MRTFA: variants seen among roughly 807,000 people sequenced by gnomAD.
The protein encoded by MRTFA is myocardin related transcription factor A.
In MRTFA, 20 loss-of-function variants were observed where a neutral mutation model predicts 83.5. The observed-to-expected ratio is 0.24, with a 90% confidence interval of 0.17 to 0.35. The LOEUF is 0.35. Ranked by LOEUF, MRTFA falls within the 10% of genes least tolerant of loss-of-function variation. The pLI is 1.00. For missense variants in MRTFA, 1,200 were observed against 1,224.7 expected, an observed-to-expected ratio of 0.98 and a Z score of 0.30; for synonymous variants, 659 against 541.2, an observed-to-expected ratio of 1.22 and a Z score of -3.02.
intron 1 of MRTFA, among the ~76,000 whole-genome samples, chr22:40,622,897 G>T (rs566750239): frequency 1.1e-4 from 16 of 152,350 alleles, no homozygotes; most frequent in African/African-American, 3.8e-4. Context: ...TGGTGGAGAT[G>T]ATTAAGAAGT....
At position 40,537,728 on chromosome 22, in the gene MRTFA, G is replaced by GC. The variant is rs1294730345; in HGVS notation, c.241+14377dup. On this transcript the variant is annotated intron_variant, in intron 3 of 14. Transcript: ENST00000355630. Reference sequence around the variant, plus strand: ...GTCCGGGAGGGAGATGGGGGGGTCAGCCCCCCCACCCGGCCAGTCACCCCG... The same window carrying GC: ...GTCCGGGAGGGAGATGGGGGGGTCAGCCCCCCCCACCCGGCCAGTCACCCCG... 3.9e-3 allele frequency among the ~76,000 whole-genome samples: 85 copies of GC among 21,918 alleles called. 6 individuals are homozygous for GC. The highest frequency in any genetic ancestry group is 6.1e-3 in the Non-Finnish European group (75 of 12,278). The allele number at this position is 21,918 out of a possible 152,430, so 14.4% of individuals were successfully genotyped here. A position where few individuals can be genotyped will look rare whatever the true frequency, so the allele number is the denominator to read the frequency against.
rs2052693041 is a variant in MRTFA at position 40,416,957 on chromosome 22, CAG to C, written c.2578+27_2578+28del. ...GACACCTATGAACAGAGAAGGCCGT[CAG>C]GGAGGCAGCAGGGGACCTGGGGTTA... On this transcript the variant is annotated intron_variant, in intron 14 of 14. Coordinates refer to ENST00000355630, the MANE Select transcript of MRTFA (RefSeq NM_020831.6). This position sits in a 1 kb window ranked among gnomAD's most constrained non-coding sequence, Gnocchi z 4.2. 1 of 1,579,228 alleles carries C rather than the reference CAG, an allele frequency of 6.3e-7. No homozygotes were observed.
intron 3 of MRTFA, among the ~76,000 whole-genome samples, chr22:40,538,128 C>T: frequency 3.5e-5 from 1 of 28,252 alleles, no homozygotes. Flanking sequence ...AATAGAAAGG[C>T]GGGAAAGGTG....
At chr22:40,592,642 C>A (rs1436894137) in intron 2 of MRTFA, among the ~76,000 whole-genome samples, 2 of 152,068 alleles carry the variant, frequency 1.3e-5, no homozygotes, top group African/African-American at 4.8e-5. Flanking sequence ...GCACATGTCA[C>A]CATGCCTGGC....
At chr22:40,540,956 A>G (rs1427485844) in intron 3 of MRTFA, among the ~76,000 whole-genome samples, 1 of 152,062 alleles carries the variant, frequency 6.6e-6, no homozygotes, top group Non-Finnish European at 1.5e-5. Context: ...AAAAAAAAAT[A>G]ATTACCTACC....
chr22:40,584,147 G>T (rs1384358087), intron 2 of MRTFA, among the ~76,000 whole-genome samples: 1 of 152,138 alleles, frequency 6.6e-6, no homozygotes, highest in South Asian at 2.1e-4. Context: ...ACAGACTCTT[G>T]TAAGGTCTCA....
chr22:40,429,251 C>T (rs1323994011), intron 7 of MRTFA: 17 of 599,040 alleles, frequency 2.8e-5, no homozygotes, highest in Non-Finnish European at 2.7e-5. Flanking sequence ...AAGAGTATGA[C>T]ACAGATTTCT....
intron 3 of MRTFA, among the ~76,000 whole-genome samples, chr22:40,502,007 C>T (rs1428115290): frequency 8.2e-5 from 11 of 134,538 alleles, no homozygotes; most frequent in South Asian, 7.4e-4. Flanking sequence ...CCCTCCCGGA[C>T]GGGGCAGCTG....
intron 14 of MRTFA, chr22:40,415,083 T>G (rs964122186): frequency 1.3e-5 from 2 of 152,378 alleles, no homozygotes; most frequent in African/African-American, 4.8e-5. Context: ...TGGGCCACTT[T>G]TCAGTGTCCC....
At chr22:40,414,187 C>CA (rs2052626519) in intron 14 of MRTFA, among the ~76,000 whole-genome samples, 1 of 152,192 alleles carries the variant, frequency 6.6e-6, no homozygotes, top group African/African-American at 2.4e-5. Flanking sequence ...AAAAAACACA[C>CA]AAAAAATTGG....
chr22:40,450,258 A>C (rs994537116), intron 4 of MRTFA, among the ~76,000 whole-genome samples: 21 of 152,186 alleles, frequency 1.4e-4, no homozygotes, highest in African/African-American at 5.1e-4. Flanking sequence ...TATATGGCAC[A>C]AAAGAAATCA....
At chr22:40,527,970 C>G (rs1012204052) in intron 3 of MRTFA, among the ~76,000 whole-genome samples, 1 of 151,990 alleles carries the variant, frequency 6.6e-6, no homozygotes, top group Non-Finnish European at 1.5e-5. Flanking sequence ...TTCTTTGATC[C>G]GCGTCCTAAC....
chr22:40,626,820 G>A (rs1232928482), intron 1 of MRTFA, among the ~76,000 whole-genome samples: 5 of 151,682 alleles, frequency 3.3e-5, no homozygotes, highest in African/African-American at 9.7e-5. Context: ...AGCTACGATC[G>A]TGCCACTGCG....
intron 3 of MRTFA, among the ~76,000 whole-genome samples, chr22:40,466,409 G>C (rs140556272): frequency 2.8e-4 from 42 of 152,242 alleles, no homozygotes; most frequent in African/African-American, 1.0e-3. Context: ...TTTGCCTTCT[G>C]TCACACAGCT....
chr22:40,549,974 G>A (rs139121825), intron 3 of MRTFA, among the ~76,000 whole-genome samples: 60 of 151,562 alleles, frequency 4.0e-4, no homozygotes, highest in African/African-American at 1.3e-3. Flanking sequence ...GCTTGAACCC[G>A]GGAGACGGAG....
intron 4 of MRTFA, among the ~76,000 whole-genome samples, chr22:40,436,940 C>A (rs1189614324): frequency 6.6e-6 from 1 of 152,090 alleles, no homozygotes; most frequent in East Asian, 1.9e-4. Flanking sequence ...TTCCTCTCCA[C>A]CCCCAGCGGG....
chr22:40,558,799 T>G (rs1011459186), intron 2 of MRTFA, among the ~76,000 whole-genome samples: 1 of 64,488 alleles, frequency 1.6e-5, no homozygotes, highest in Admixed American at 1.3e-4. Context: ...TTTTTTGGGT[T>G]TTTTTTTTTT....
intron 4 of MRTFA, among the ~76,000 whole-genome samples, chr22:40,441,432 C>T (rs767496085): frequency 6.6e-6 from 1 of 152,192 alleles, no homozygotes; most frequent in Non-Finnish European, 1.5e-5. Flanking sequence ...TAAATGAGGT[C>T]ATTTGTCAAT....
At chr22:40,502,811 G>T (rs945748224) in intron 3 of MRTFA, among the ~76,000 whole-genome samples, 1 of 152,058 alleles carries the variant, frequency 6.6e-6, no homozygotes, top group African/African-American at 2.4e-5. Flanking sequence ...TCCGCTGCCC[G>T]CTGAACTCCA....
Sources: gnomAD v4.1 joint callset for allele counts (sites outside exome capture counted in the v4.1 genomes callset) on GRCh38, gnomAD v4.1.1 for gene constraint, Gnocchi (gnomAD v3.1) non-coding constraint, MANE v1.5 for transcripts, NCBI Gene and HGNC (gene_info 2026-07-23, HGNC 2026-07-21) for gene names.